DNAH12: variants seen among roughly 807,000 people sequenced by gnomAD.
DNAH12 encodes axonemal beta dynein heavy chain 12.
In DNAH12, 285 loss-of-function variants were observed where a neutral mutation model predicts 371.5. The ratio of observed to expected loss-of-function variants is 0.77; its 90% CI spans 0.70 to 0.85. DNAH12 has a LOEUF of 0.85. DNAH12 is among the 40% of genes least tolerant of loss of function. The probability of loss-of-function intolerance (pLI) is 0.00; values close to 1 mark genes in which losing one functional copy is unlikely to be tolerated. For missense variants in DNAH12, 3,611 were observed against 3,689.4 expected, an observed-to-expected ratio of 0.98 and a Z score of 0.55; for synonymous variants, 1,200 against 1,213.0, an observed-to-expected ratio of 0.99 and a Z score of 0.22.
chr3:57,324,010 G>C (rs1046735195), intron 62 of DNAH12, among the ~76,000 whole-genome samples: 11 of 152,174 alleles, frequency 7.2e-5, no homozygotes, highest in African/African-American at 2.4e-4. Flanking sequence ...GTTTTGGCCA[G>C]AGAGATACAA....
At chr3:57,472,745 A>G in intron 13 of DNAH12, 74 bp from the exon 14 acceptor site, 2 of 1,414,850 alleles carry the variant, frequency 1.4e-6, no homozygotes, top group Non-Finnish European at 9.6e-7. Context: ...AGAACCAACA[A>G]CAATCTCTAA....
chr3:57,310,974 A>G (rs1250920651), intron 66 of DNAH12, 24 bp from the exon 67 acceptor site: 2 of 1,464,244 alleles, frequency 1.4e-6, no homozygotes, highest in Non-Finnish European at 1.9e-6. Context: ...AAAATGAAAC[A>G]AGAAAAACCT....
At chr3:57,528,463 C>T (rs1256961585) in intron 2 of DNAH12, among the ~76,000 whole-genome samples, 2 of 151,126 alleles carry the variant, frequency 1.3e-5, no homozygotes, top group Non-Finnish European at 2.9e-5. Context: ...CGGTGGCTCA[C>T]GCCTATAATC....
chr3:57,377,521 C>G (rs1006407343), intron 52 of DNAH12, among the ~76,000 whole-genome samples: 3 of 151,882 alleles, frequency 2.0e-5, no homozygotes, highest in Non-Finnish European at 4.4e-5. Flanking sequence ...GAAGGTGTCA[C>G]TTAACTGTTG....
At chr3:57,423,056 T>G (rs1314143077) in intron 35 of DNAH12, among the ~76,000 whole-genome samples, 2 of 152,162 alleles carry the variant, frequency 1.3e-5, no homozygotes, top group Non-Finnish European at 2.9e-5. Flanking sequence ...CTGCCTTCAG[T>G]GTGGCTGGGG....
At chr3:57,541,491 A>G (rs4681998) in intron 2 of DNAH12, among the ~76,000 whole-genome samples, 149,057 of 151,870 alleles carry the variant, frequency 0.98, 73,163 homozygotes, top group East Asian at 1. Flanking sequence ...TCTGCCTCCC[A>G]AGTAGTTAGG....
chr3:57,524,477 T>C (rs2068565227), intron 2 of DNAH12, among the ~76,000 whole-genome samples: 1 of 152,172 alleles, frequency 6.6e-6, no homozygotes, highest in African/African-American at 2.4e-5. Context: ...AATCCTATTG[T>C]ATAATCCCTT....
At chr3:57,426,067 T>C (rs544310608) in intron 34 of DNAH12, among the ~76,000 whole-genome samples, 2 of 152,056 alleles carry the variant, frequency 1.3e-5, no homozygotes, top group East Asian at 3.9e-4. Context: ...TGAGCTGAAT[T>C]TGGAAGGAAA....
chr3:57,498,654 A>C, intron 11 of DNAH12: 1 of 695,994 alleles, frequency 1.4e-6, no homozygotes, highest in Non-Finnish European at 2.6e-6. Flanking sequence ...TCAAAACGTG[A>C]ATGAATAAAG....
chr3:57,401,902 G>T (rs1026686777), intron 43 of DNAH12, among the ~76,000 whole-genome samples: 2 of 152,114 alleles, frequency 1.3e-5, no homozygotes, highest in East Asian at 3.8e-4. Context: ...TAGCAGAAAT[G>T]GATAAGTCCC....
chr3:57,340,010 A>G (rs1286689425), intron 60 of DNAH12, among the ~76,000 whole-genome samples: 15 of 152,054 alleles, frequency 9.9e-5, no homozygotes, highest in African/African-American at 3.6e-4. Context: ...GGTTGAAACC[A>G]CAGTGAGCTG....
chr3:57,340,454 C>G (rs1201015585), intron 60 of DNAH12, among the ~76,000 whole-genome samples: 2 of 151,964 alleles, frequency 1.3e-5, no homozygotes, highest in African/African-American at 4.8e-5. Context: ...AATAAAATCA[C>G]AAACAAAAGG....
At chr3:57,339,400 A>G (rs2062335710) in intron 60 of DNAH12, among the ~76,000 whole-genome samples, 1 of 151,326 alleles carries the variant, frequency 6.6e-6, no homozygotes, top group African/African-American at 2.4e-5. Flanking sequence ...AAAAAAAGAA[A>G]GAAAGTTGAT....
intron 44 of DNAH12, among the ~76,000 whole-genome samples, chr3:57,392,928 A>G (rs920625624): frequency 5.1e-4 from 77 of 152,292 alleles, no homozygotes; most frequent in African/African-American, 1.7e-3. Context: ...GGAGAGTACC[A>G]CTAATTTACA....
At chr3:57,345,800 T>C (rs1416771342) in intron 60 of DNAH12, among the ~76,000 whole-genome samples, 2 of 152,218 alleles carry the variant, frequency 1.3e-5, no homozygotes, top group Non-Finnish European at 2.9e-5. Flanking sequence ...TTTATGGTAG[T>C]AAATGATAAA....
intron 13 of DNAH12, among the ~76,000 whole-genome samples, chr3:57,483,036 C>T (rs1249837208): frequency 6.7e-6 from 1 of 149,446 alleles, no homozygotes; most frequent in Admixed American, 6.7e-5. Context: ...CTAACTTGCA[C>T]GTTGTGCACA....
At chr3:57,549,919 T>C in the DNAH12 span, among the ~76,000 whole-genome samples, 22 of 151,912 alleles carry the variant, frequency 1.4e-4, 1 homozygote, top group African/African-American at 4.1e-4. Flanking sequence ...CCACCATACC[T>C]GGCTTACTAT....
chr3:57,447,112 T>A (rs1474503337), intron 25 of DNAH12, among the ~76,000 whole-genome samples: 1 of 152,218 alleles, frequency 6.6e-6, no homozygotes, highest in Non-Finnish European at 1.5e-5. Context: ...AAGAAACAGA[T>A]GACCTATTAT....
In DNAH12 at chr3:57,327,417, G is replaced by A. The variant is rs374422320; in HGVS notation, c.9979-3798C>T. 3.8e-3 allele frequency among the ~76,000 whole-genome samples: 575 copies of A among 152,034 alleles called. 6 individuals are homozygous for A. The highest frequency in any genetic ancestry group is 0.011 in the African/African-American group (467 of 41,438). ...AGGATTCAGAAACTCACTCAAAACC[G>A]CTCAACTACATGGAAACTGAACAAC... On this transcript the variant is annotated intron_variant, in intron 62 of 73. Coordinates refer to ENST00000495027, the MANE Select transcript of DNAH12 (RefSeq NM_001366028.2).
Sources: gnomAD v4.1 joint callset for allele counts (sites outside exome capture counted in the v4.1 genomes callset) on GRCh38, gnomAD v4.1.1 for gene constraint, MANE v1.5 for transcripts, NCBI Gene and HGNC (gene_info 2026-07-23, HGNC 2026-07-21) for gene names.